The following LEPROTL1 variants were observed in gnomAD, a reference collection of about 807,000 sequenced individuals.
LEPROTL1 encodes the protein leptin receptor overlapping transcript-like 1.
Under a neutral mutation model 15.4 loss-of-function variants are expected in LEPROTL1, and 6 were observed. The ratio of observed to expected loss-of-function variants is 0.39; its 90% CI spans 0.21 to 0.77. The LOEUF is 0.77. LEPROTL1 is among the 30% of genes least tolerant of loss of function. The pLI is 0.41. For missense variants in LEPROTL1, 128 were observed against 158.1 expected (o/e 0.81, Z 1.02); for synonymous variants, 56 against 52.6 (o/e 1.06, Z -0.28).
At chr8:30,103,466 C>G (rs1023241014) in intron 2 of LEPROTL1, among the ~76,000 whole-genome samples, 1 of 151,992 alleles carries the variant, frequency 6.6e-6, no homozygotes, top group South Asian at 2.1e-4. Context: ...AATGGTCAGG[C>G]GCAGTGGCTC....
intron 4 of LEPROTL1, chr8:30,137,217 G>T (rs1242965843): frequency 6.6e-5 from 88 of 1,330,336 alleles, no homozygotes; most frequent in Non-Finnish European, 9.1e-5. Context: ...GGATCTTGCT[G>T]ATTCATGACA....
At chr8:30,135,708 G>A (rs937104898) in intron 4 of LEPROTL1, among the ~76,000 whole-genome samples, 4 of 152,082 alleles carry the variant, frequency 2.6e-5, no homozygotes, top group East Asian at 1.9e-4. Flanking sequence ...GAGCCCAGGA[G>A]TTTGAGACCA....
chr8:30,117,329 T>C (rs2117507518), intron 3 of LEPROTL1: 2 of 865,982 alleles, frequency 2.3e-6, no homozygotes, highest in East Asian at 4.9e-5. Context: ...TTCTTTTTTT[T>C]TTTTTTAATT....
At chr8:30,126,609 A>C (rs1331441461) in intron 3 of LEPROTL1, among the ~76,000 whole-genome samples, 1 of 152,226 alleles carries the variant, frequency 6.6e-6, no homozygotes, top group Non-Finnish European at 1.5e-5. Context: ...AAGTTTAACT[A>C]CTTGAGTGGA....
At chr8:30,100,880 C>T (rs28588350) in intron 1 of LEPROTL1, among the ~76,000 whole-genome samples, 4,281 of 149,386 alleles carry the variant, frequency 0.029, 216 homozygotes, top group African/African-American at 0.098. Flanking sequence ...TGTGTGTGCG[C>T]GCGTAGCTTT....
Position 30,106,339 on chromosome 8 carries a change from C to CCAATGTGATG in LEPROTL1, c.*483_*484insGATGCAATGT. ...TCAGTCAGTCAGGATGACATCACTC[C>CCAATGTGATG]CAATGTTATGCAGACATACAGACGG... On this transcript the variant is annotated 3_prime_UTR_variant, in exon 4 of 4. Transcript: ENST00000321250. 1.0e-6 allele frequency: 1 copy of CCAATGTGATG among 986,430 alleles called. No individual in the cohort carries two copies. Among genetic ancestry groups the CCAATGTGATG allele is most frequent in the Non-Finnish European group, 1.2e-6 (1 of 830,428 alleles). The allele number at this position is 986,430 out of a possible 1,614,324, so 61.1% of individuals were successfully genotyped here.
intron 4 of LEPROTL1, chr8:30,133,006 C>T: frequency 8.3e-7 from 1 of 1,199,460 alleles, no homozygotes; most frequent in Non-Finnish European, 1.1e-6. Flanking sequence ...ATAGATAGGT[C>T]TGTACAGCTA....
intron 3 of LEPROTL1, among the ~76,000 whole-genome samples, chr8:30,122,091 C>T (rs1011881855): frequency 2.0e-5 from 3 of 151,564 alleles, no homozygotes; most frequent in East Asian, 1.9e-4. Context: ...CGCTTGAACC[C>T]GGGAGGCCGA....
chr8:30,137,539 G>A (rs957491546), exon 5 of LEPROTL1: 1 of 1,385,616 alleles, frequency 7.2e-7, no homozygotes, highest in Non-Finnish European at 1.0e-6. Flanking sequence ...CACCATGTAG[G>A]CAACACGTGG....
intron 4 of LEPROTL1, chr8:30,132,755 A>C: frequency 6.4e-7 from 1 of 1,551,736 alleles, no homozygotes; most frequent in Non-Finnish European, 8.7e-7. Context: ...AAGTAGCTGA[A>C]ATAGGGCAGT....
chr8:30,128,345 G>A (rs1345490877), intron 3 of LEPROTL1, among the ~76,000 whole-genome samples: 1 of 152,186 alleles, frequency 6.6e-6, no homozygotes. Flanking sequence ...CATCAGTGGG[G>A]AGATAGATTT....
intron 3 of LEPROTL1, among the ~76,000 whole-genome samples, chr8:30,121,651 G>T (rs929762446): frequency 6.6e-6 from 1 of 152,136 alleles, no homozygotes; most frequent in Non-Finnish European, 1.5e-5. Flanking sequence ...GTGGGCTTTG[G>T]TGTGTTTTTT....
chr8:30,117,909 C>A, intron 3 of LEPROTL1: 3 of 482,512 alleles, frequency 6.2e-6, no homozygotes, highest in Admixed American at 3.8e-5. Context: ...TTTAAAATTA[C>A]ATTGTAGAAA....
intron 4 of LEPROTL1, chr8:30,137,121 G>A (rs1803165057): frequency 4.6e-6 from 3 of 654,780 alleles, no homozygotes; most frequent in South Asian, 3.8e-5. Context: ...TGTGCTCCAA[G>A]TGACCCTGAA....
downstream of LEPROTL1, among the ~76,000 whole-genome samples, chr8:30,110,504 G>A (rs554750619): frequency 1.0e-3 from 154 of 152,088 alleles, no homozygotes; most frequent in African/African-American, 3.3e-3. Context: ...GTTGGGGGGC[G>A]GTGCGGATCA....
At chr8:30,136,727 G>A (rs2134559) in intron 4 of LEPROTL1, among the ~76,000 whole-genome samples, 1 of 143,670 alleles carries the variant, frequency 7.0e-6, no homozygotes, top group Non-Finnish European at 1.5e-5. Flanking sequence ...CTCTCCCCCC[G>A]AACTTTTTTT....
intron 3 of LEPROTL1, chr8:30,117,503 T>G: frequency 7.1e-7 from 1 of 1,399,584 alleles, no homozygotes; most frequent in Non-Finnish European, 1.0e-6. Flanking sequence ...GGAAACAGAT[T>G]TTCTGCCATT....
chr8:30,120,357 A>G (rs995198315), intron 3 of LEPROTL1, among the ~76,000 whole-genome samples: 21 of 152,290 alleles, frequency 1.4e-4, no homozygotes, highest in Non-Finnish European at 5.9e-5. Flanking sequence ...AAGAACTATC[A>G]TAAGACTGCA....
chr8:30,096,026 A>G lies in LEPROTL1; in HGVS notation c.16+498A>G, dbSNP rs530229868. ...TGCCCGAAACCTCGACCCCACGTCC[A>G]CCCCGGCCGCCCGCGCCCGAGGCTT... On this transcript the variant is annotated intron_variant, in intron 1 of 3. Transcript: ENST00000321250. The G allele has an allele frequency of 3.0e-5, 18 of 596,106 alleles. No individual in the cohort carries two copies. The South Asian group carries it at 3.2e-4, about 11-fold the overall frequency. 36.9% of individuals were successfully genotyped at this position (596,106 alleles called of 1,614,324 possible).
Sources: gnomAD v4.1 joint callset for allele counts (sites outside exome capture counted in the v4.1 genomes callset) on GRCh38, gnomAD v4.1.1 for gene constraint, MANE v1.5 for transcripts, NCBI Gene and HGNC (gene_info 2026-07-23, HGNC 2026-07-21) for gene names.